The following PRPSAP1 variants were observed in gnomAD, a reference collection of about 807,000 sequenced individuals.
PRPSAP1 encodes the protein phosphoribosyl pyrophosphate synthase-associated protein 1.
Under a neutral mutation model 39.4 loss-of-function variants are expected in PRPSAP1, and 31 were observed. The observed-to-expected ratio is 0.79, with a 90% CI of 0.59 to 1.06. The LOEUF (loss-of-function observed/expected upper bound fraction) is 1.06. Among genes scored for constraint, PRPSAP1 ranks in the 50% least tolerant of loss-of-function variants. PRPSAP1 has a pLI of 0.00. For synonymous variants in PRPSAP1, 212 were observed against 192.6 expected (o/e 1.10, Z -0.83); for missense variants, 430 against 511.6 (o/e 0.84, Z 1.54).
At chr17:76,349,069 G>C (rs2071540655) in intron 1 of PRPSAP1, among the ~76,000 whole-genome samples, 1 of 152,160 alleles carries the variant, frequency 6.6e-6, no homozygotes, top group Non-Finnish European at 1.5e-5. Context: ...CCAGCACTTT[G>C]GGAGGCCAAG....
At position 76,313,008 on chromosome 17, in the gene PRPSAP1, A is replaced by G; in HGVS notation, c.861T>C (p.Ile287=). ...CAACAAAACTCTCCACATCGTCAAT[A>G]ATGTCATCCTGGGAGGAGAACAGAG... ...GGRIAIIVDD[I]IDDVESFVAA... Residue 287 remains isoleucine, a synonymous_variant, in exon 9 of 10, where the codon ATT becomes ATC. Coordinates refer to ENST00000446526, the MANE Select transcript of PRPSAP1 (RefSeq NM_002766.3). The G allele has an allele frequency of 6.2e-7, 1 of 1,613,762 alleles. No homozygotes were observed. The highest frequency in any genetic ancestry group is 2.2e-5 in the East Asian group (1 of 44,872).
intron 7 of PRPSAP1, among the ~76,000 whole-genome samples, chr17:76,327,341 A>C (rs951753745): frequency 1.4e-5 from 2 of 138,880 alleles, no homozygotes; most frequent in Non-Finnish European, 3.1e-5. Context: ...GAACGAGTTC[A>C]GTCTCAAACA....
At chr17:76,345,340 A>G (rs1242384731) in intron 2 of PRPSAP1, among the ~76,000 whole-genome samples, 2 of 144,332 alleles carry the variant, frequency 1.4e-5, no homozygotes, top group African/African-American at 5.1e-5. Context: ...GGTGGCGCAC[A>G]ACTATAATCC....
upstream of PRPSAP1, chr17:76,354,040 C>T: frequency 2.7e-6 from 3 of 1,106,780 alleles, no homozygotes; most frequent in Non-Finnish European, 2.2e-6. Flanking sequence ...GGGCATGTCA[C>T]AGGTTCGCCC....
rs762122153 is a variant in PRPSAP1, at chr17:76,351,123, C to T, written c.170+2411G>A. ...TTAAAAATACTCCAGGTGGGCCGGG[C>T]GCAGTAGCTCACGCCTATAATCCCA... On this transcript the variant is annotated intron_variant, in intron 1 of 9. Transcript: ENST00000446526. 5.3e-5 allele frequency among the ~76,000 whole-genome samples: 8 copies of T among 152,226 alleles called. No individual in the cohort carries two copies. In the South Asian group the frequency reaches 8.3e-4, roughly 16 times the overall value.
intron 3 of PRPSAP1, among the ~76,000 whole-genome samples, chr17:76,341,450 G>A (rs1364945628): frequency 1.3e-5 from 2 of 151,958 alleles, no homozygotes; most frequent in African/African-American, 4.8e-5. Flanking sequence ...ATGTTGCCCA[G>A]GCTGTTCCCA....
chr17:76,313,628 A>G, intron 8 of PRPSAP1, 193 bp downstream of exon 8: 2 of 581,884 alleles, frequency 3.4e-6, no homozygotes, highest in Non-Finnish European at 6.1e-6. Flanking sequence ...CTCATTTCCT[A>G]TCTGTAGGTT....
intron 7 of PRPSAP1, chr17:76,314,228 G>GTATGT (rs149061354): frequency 2.2e-5 from 6 of 275,112 alleles, no homozygotes; most frequent in African/African-American, 1.3e-4. Context: ...ATGTATGTAT[G>GTATGT]TATTTTTTGA....
At position 76,344,754 on chromosome 17, in the gene PRPSAP1, T is replaced by C. The variant is rs1598540344; in HGVS notation, c.224-17A>G. The C allele has an allele frequency of 6.5e-7, 1 of 1,527,122 alleles. No homozygotes were observed. The highest frequency in any genetic ancestry group is 2.2e-5 in the East Asian group (1 of 44,478). The allele number at this position is 1,527,122 out of a possible 1,614,324, so 94.6% of individuals were successfully genotyped here. ...CTCTTGTTTCTGAAAAATAAAAATG[T>C]TCTGAAGTTTTAAGAAAAGCTCCTA... is the stretch of plus-strand genomic sequence containing the variant. On this transcript the variant is annotated splice_polypyrimidine_tract_variant and intron_variant, in intron 2 of 9. Coordinates refer to ENST00000446526, the MANE Select transcript of PRPSAP1 (RefSeq NM_002766.3).
At chr17:76,352,663 A>AAAG (rs1555598143) in intron 1 of PRPSAP1, among the ~76,000 whole-genome samples, 216 of 144,750 alleles carry the variant, frequency 1.5e-3, no homozygotes, top group African/African-American at 5.5e-3. Context: ...AAAAAAAAAA[A>AAAG]AAAAGAAAAG....
chr17:76,340,545 G>A (rs1219666091), intron 3 of PRPSAP1, among the ~76,000 whole-genome samples: 5 of 151,614 alleles, frequency 3.3e-5, no homozygotes, highest in Non-Finnish European at 5.9e-5. Context: ...ATTCAACTTC[G>A]TATCACAAAG....
chr17:76,313,866 C>T lies in PRPSAP1; in HGVS notation c.807G>A (p.Pro269=), dbSNP rs527431071. 22 of 1,614,158 alleles carry T rather than the reference C, an allele frequency of 1.4e-5. No individual in the cohort carries two copies. The highest frequency in any genetic ancestry group is 2.7e-5 in the African/African-American group (2 of 75,036). The change falls in exon 8 of 10, where the codon CCG becomes CCA. Residue 269 remains proline (P), a synonymous_variant. Coordinates refer to ENST00000446526, the MANE Select transcript of PRPSAP1 (RefSeq NM_002766.3). ...LPLMMAKEKP[P]ITVVGDVGGR... is the part of the protein sequence containing the mutation. ...CTCCAACATCTCCAACTACAGTTAT[C>T]GGTGGCTTCTCTTTGGCCATCATCA...
chr17:76,343,295 G>A (rs2071460075), intron 3 of PRPSAP1, among the ~76,000 whole-genome samples: 1 of 152,220 alleles, frequency 6.6e-6, no homozygotes, highest in Non-Finnish European at 1.5e-5. Flanking sequence ...CACTCAAGCA[G>A]GCCAGGATTC....
chr17:76,341,424 G>C (rs1035660286), intron 3 of PRPSAP1, among the ~76,000 whole-genome samples: 1 of 151,878 alleles, frequency 6.6e-6, no homozygotes, highest in Non-Finnish European at 1.5e-5. Context: ...TTTATTTGTA[G>C]AGATGGAGTC....
At chr17:76,350,986 GGCTCTATT>G (rs2071562170) in intron 1 of PRPSAP1, among the ~76,000 whole-genome samples, 1 of 151,994 alleles carries the variant, frequency 6.6e-6, no homozygotes, top group South Asian at 2.1e-4. Context: ...GAGCCAAGAT[GGCTCTATT>G]GCACTCCAGC....
At position 76,331,392 on chromosome 17, in the gene PRPSAP1, C is replaced by T. The variant is rs544114865; in HGVS notation, c.464-726G>A. ...CTATGGGTTCCACGTGTGGATTCAA[C>T]GAAACACAGACTGAAAAGGTAGTTA... On this transcript the variant is annotated intron_variant, in intron 4 of 9. Coordinates refer to ENST00000446526, the MANE Select transcript of PRPSAP1 (RefSeq NM_002766.3). 2.6e-5 allele frequency among the ~76,000 whole-genome samples: 4 copies of T among 152,220 alleles called. No homozygotes were observed. The South Asian group carries it at 6.2e-4, about 24-fold the overall frequency.
intron 6 of PRPSAP1, among the ~76,000 whole-genome samples, chr17:76,329,623 C>A (rs1217561490): frequency 2.0e-5 from 3 of 151,918 alleles, no homozygotes; most frequent in Non-Finnish European, 4.4e-5. Flanking sequence ...GTAATCCCAG[C>A]TACTGGGGAG....
At position 76,330,698 on chromosome 17, in the gene PRPSAP1, C is replaced by T. The variant is rs974062387; in HGVS notation, c.464-32G>A. The T allele has an allele frequency of 7.6e-6, 11 of 1,454,748 alleles. No individual in the cohort carries two copies. The Admixed American group carries it at 8.8e-5, about 12-fold the overall frequency. 90.1% of individuals were successfully genotyped at this position (1,454,748 alleles called of 1,614,324 possible). A position where few individuals can be genotyped will look rare whatever the true frequency, so the allele number is the denominator to read the frequency against. ...TTTTAAAACAAAAAATTACAAAGTT[C>T]ACCCCTACAGGTAAATGGCTACAGT... On this transcript the variant is annotated intron_variant, in intron 4 of 9. Coordinates refer to ENST00000446526, the MANE Select transcript of PRPSAP1 (RefSeq NM_002766.3).
At position 76,328,704 on chromosome 17, in the gene PRPSAP1, G is replaced by A. The variant is rs1274083190; in HGVS notation, c.781+13C>T. ...AATTTACAAATAAAATAAAAACACA[G>A]AGCTCATCTTACATGGCAACTCCAG... On this transcript the variant is annotated intron_variant, in intron 7 of 9. Coordinates refer to ENST00000446526, the MANE Select transcript of PRPSAP1 (RefSeq NM_002766.3). The A allele has an allele frequency of 5.0e-6, 8 of 1,609,118 alleles. No individual in the cohort carries two copies. In the African/African-American group the frequency reaches 1.1e-4, roughly 22 times the overall value.
Sources: allele counts gnomAD v4.1 joint callset (sites outside exome capture counted in the v4.1 genomes callset), GRCh38; gene constraint gnomAD v4.1.1; transcripts MANE v1.5; gene names NCBI Gene and HGNC (gene_info 2026-07-23, HGNC 2026-07-21).